CDK6: variants seen among roughly 807,000 people sequenced by gnomAD.
CDK6 encodes the protein cyclin dependent kinase 6, also known as cyclin-dependent kinase 6.
In CDK6, 6 loss-of-function variants were observed where a neutral mutation model predicts 37.1. The ratio of observed to expected loss-of-function variants is 0.16; its 90% CI spans 0.09 to 0.32. The LOEUF is 0.32. CDK6 is among the 10% of genes least tolerant of loss of function. The probability of loss-of-function intolerance (pLI) is 1.00; values close to 1 mark genes in which losing one functional copy is unlikely to be tolerated. For missense variants in CDK6, 224 were observed against 418.9 expected, an observed-to-expected ratio of 0.53 and a Z score of 4.06; for synonymous variants, 160 against 161.3, an observed-to-expected ratio of 0.99 and a Z score of 0.06.
At chr7:92,668,726 AG>A (rs1797011619) in intron 5 of CDK6, among the ~76,000 whole-genome samples, 2 of 152,348 alleles carry the variant, frequency 1.3e-5, no homozygotes, top group South Asian at 4.1e-4. Context: ...AGTCAGAACC[AG>A]GTCAAGCTGG....
rs548647658 is a variant in CDK6, at chr7:92,687,011, A to G, written c.538-15476T>C. Among the ~76,000 whole-genome samples, 4 of 152,262 alleles carry G rather than the reference A, an allele frequency of 2.6e-5. No individual in the cohort carries two copies. The East Asian group carries it at 7.7e-4, about 29-fold the overall frequency. On this transcript the variant is annotated intron_variant, in intron 4 of 7. Transcript: ENST00000424848. ...TGCTGATTTTGTTTGAGTTCCTTGT[A>G]GATTCTGGATATTAGTCCTTTGTTG...
chr7:92,654,722 A>T (rs1360200462), intron 5 of CDK6, among the ~76,000 whole-genome samples: 1 of 152,178 alleles, frequency 6.6e-6, no homozygotes, highest in African/African-American at 2.4e-5. Flanking sequence ...GGTAGTGGGA[A>T]GAGCTGGCCA....
chr7:92,819,223 T>G (rs773475073), intron 2 of CDK6, among the ~76,000 whole-genome samples: 1 of 152,012 alleles, frequency 6.6e-6, no homozygotes, highest in Non-Finnish European at 1.5e-5. Context: ...TAATGGAAAA[T>G]GAACTACTCA....
intron 3 of CDK6, among the ~76,000 whole-genome samples, chr7:92,763,633 CA>C (rs1449049826): frequency 3.3e-5 from 5 of 152,180 alleles, no homozygotes; most frequent in Admixed American, 3.3e-4. Context: ...AAATTTCCTA[CA>C]TATCAATGAC....
intron 7 of CDK6, 105 bp downstream of exon 7, chr7:92,617,967 G>T: frequency 2.7e-6 from 3 of 1,101,340 alleles, no homozygotes; most frequent in Admixed American, 2.5e-5. Flanking sequence ...GGCATGTGAT[G>T]CCTATAGCAG....
chr7:92,719,046 T>TA (rs1340566220), intron 4 of CDK6, among the ~76,000 whole-genome samples: 1 of 152,218 alleles, frequency 6.6e-6, no homozygotes, highest in African/African-American at 2.4e-5. Flanking sequence ...GAGGTTCCGT[T>TA]AGTGTTACTA....
At chr7:92,728,369 G>A (rs1798561933) in intron 3 of CDK6, among the ~76,000 whole-genome samples, 1 of 152,100 alleles carries the variant, frequency 6.6e-6, no homozygotes, top group Admixed American at 6.5e-5. Context: ...TTAAGTAAAA[G>A]TGGTTATTAT....
intron 2 of CDK6, among the ~76,000 whole-genome samples, 157 bp from the exon 3 acceptor site, chr7:92,774,988 A>G (rs1053355215): frequency 1.3e-5 from 2 of 152,230 alleles, no homozygotes; most frequent in Non-Finnish European, 2.9e-5. Flanking sequence ...ATGAGATCTG[A>G]TACTTTAATA....
At position 92,833,510 on chromosome 7, in the gene CDK6, C is replaced by T. The variant is rs1440975448; in HGVS notation, c.-187G>A. 8.9e-6 allele frequency: 5 copies of T among 564,892 alleles called. No homozygotes were observed. The highest frequency in any genetic ancestry group is 1.5e-5 in the Non-Finnish European group (5 of 325,498). 35.0% of individuals were successfully genotyped at this position (564,892 alleles called of 1,614,324 possible). A position where few individuals can be genotyped will look rare whatever the true frequency, so the allele number is the denominator to read the frequency against. On this transcript the variant is annotated 5_prime_UTR_variant, in exon 2 of 8. Coordinates refer to ENST00000424848, the MANE Select transcript of CDK6 (RefSeq NM_001145306.2). This position sits in a 1 kb window ranked among gnomAD's most constrained non-coding sequence, Gnocchi z 6.1. ...TGCAGAAGCTGGATGGAGAGACCTC[C>T]CCGCGGGGCTGGCGTAACCCTGGTG...
intron 2 of CDK6, among the ~76,000 whole-genome samples, chr7:92,831,630 T>C (rs771534262): frequency 5.3e-5 from 8 of 152,254 alleles, no homozygotes; most frequent in Non-Finnish European, 1.2e-4. Flanking sequence ...TAGGTTTTTA[T>C]ATATAATCTC....
chr7:92,731,127 G>A (rs1164979264), intron 3 of CDK6, among the ~76,000 whole-genome samples: 1 of 152,208 alleles, frequency 6.6e-6, no homozygotes, highest in Admixed American at 6.5e-5. Context: ...CTTGCTGTAT[G>A]TATACAGCTT....
At chr7:92,684,526 C>A (rs992797050) in intron 4 of CDK6, among the ~76,000 whole-genome samples, 7 of 152,108 alleles carry the variant, frequency 4.6e-5, no homozygotes, top group African/African-American at 1.7e-4. Context: ...AGCCAGAAGT[C>A]GGGCACTGTG....
intron 2 of CDK6, among the ~76,000 whole-genome samples, chr7:92,816,237 T>G (rs886811472): frequency 4.6e-5 from 7 of 151,860 alleles, no homozygotes; most frequent in African/African-American, 1.7e-4. Flanking sequence ...TCAATAGAAA[T>G]AGACTCAGAA....
chr7:92,612,652 T>G lies in CDK6; in HGVS notation c.*2488A>C. 1 of 233,150 alleles carries G rather than the reference T, an allele frequency of 4.3e-6. No individual in the cohort carries two copies. The highest frequency in any genetic ancestry group is 8.5e-6 in the Non-Finnish European group (1 of 117,956). The allele number at this position is 233,150 out of a possible 1,614,324, so 14.4% of individuals were successfully genotyped here. A position where few individuals can be genotyped will look rare whatever the true frequency, so the allele number is the denominator to read the frequency against. On this transcript the variant is annotated 3_prime_UTR_variant, in exon 8 of 8. Transcript: ENST00000424848. ...AGAATGTTTGTGCTTTAATTTTTCT[T>G]CATAAGCACTGCCTAGAAATGAGTC...
chr7:92,653,385 T>C (rs890303131), intron 5 of CDK6, among the ~76,000 whole-genome samples: 2 of 152,206 alleles, frequency 1.3e-5, no homozygotes, highest in Non-Finnish European at 2.9e-5. Flanking sequence ...ACTCTTTATC[T>C]GAGTATCCTG....
rs1342927123 is a variant in CDK6 at position 92,786,837 on chromosome 7, A to T, written c.234-12006T>A. 6.6e-5 allele frequency among the ~76,000 whole-genome samples: 10 copies of T among 152,180 alleles called. 1 individual carries two copies. Among genetic ancestry groups the T allele is most frequent in the African/African-American group, 1.9e-4 (8 of 41,552 alleles). The stretch of plus-strand genomic sequence containing the variant: ...TATTATTTTTAAAAATGCAAGTTTC[A>T]AAAGAGTGTGTACAGTATGATTCCA... On this transcript the variant is annotated intron_variant, in intron 2 of 7. Coordinates refer to ENST00000424848, the MANE Select transcript of CDK6 (RefSeq NM_001145306.2).
chr7:92,631,313 G>A (rs1443781291), intron 5 of CDK6, among the ~76,000 whole-genome samples: 2 of 152,124 alleles, frequency 1.3e-5, no homozygotes, highest in Non-Finnish European at 2.9e-5. Context: ...CCCTATCCAG[G>A]AGACTCAGAG....
At chr7:92,725,126 C>T (rs935795121) in intron 4 of CDK6, 90 of 985,286 alleles carry the variant, frequency 9.1e-5, no homozygotes, top group Non-Finnish European at 1.1e-4. Context: ...CGGTGCTCTA[C>T]GTTCATGCAT....
chr7:92,648,787 T>C (rs997053538), intron 5 of CDK6, among the ~76,000 whole-genome samples: 1 of 152,210 alleles, frequency 6.6e-6, no homozygotes, highest in African/African-American at 2.4e-5. Flanking sequence ...ACAAGGACCA[T>C]TTTTAATCTA....
Sources: allele counts gnomAD v4.1 joint callset (sites outside exome capture counted in the v4.1 genomes callset), GRCh38; gene constraint gnomAD v4.1.1; non-coding constraint Gnocchi (gnomAD v3.1); transcripts MANE v1.5; gene names NCBI Gene and HGNC (gene_info 2026-07-23, HGNC 2026-07-21).